The following HFM1 variants were observed in gnomAD, a reference collection of about 807,000 sequenced individuals.
The protein encoded by HFM1 is helicase for meiosis 1.
HFM1 carries 169 observed loss-of-function variants against 192.1 expected under a neutral mutation model. The observed-to-expected ratio is 0.88, with a 90% CI of 0.78 to 1.00. The LOEUF is 1.00. HFM1 is among the 50% of genes least tolerant of loss of function. The pLI, the probability that HFM1 is intolerant of heterozygous loss-of-function variation, is 0.00. For synonymous variants in HFM1, 525 were observed against 537.8 expected (o/e 0.98, Z 0.33); for missense variants, 1,661 against 1,668.0 (o/e 1.00, Z 0.07).
At chr1:91,356,441 C>T (rs12759453) in intron 13 of HFM1, among the ~76,000 whole-genome samples, 29,979 of 151,656 alleles carry the variant, frequency 0.2, 3,702 homozygotes, top group South Asian at 0.35. Context: ...CATGGTTTCC[C>T]CATGTTGGTC....
chr1:91,330,102 G>C (rs1653591484), intron 20 of HFM1, among the ~76,000 whole-genome samples: 1 of 152,188 alleles, frequency 6.6e-6, no homozygotes. Flanking sequence ...ACTCGAACTT[G>C]CTATGTAATT....
chr1:91,351,146 TTAAA>T (rs1656884639), intron 17 of HFM1, among the ~76,000 whole-genome samples: 1 of 151,946 alleles, frequency 6.6e-6, no homozygotes, highest in Admixed American at 6.6e-5. Flanking sequence ...AGAGAATACA[TTAAA>T]TACTTTACTA....
intron 22 of HFM1, 37 bp downstream of exon 22, chr1:91,323,056 C>A: frequency 7.3e-7 from 1 of 1,360,696 alleles, no homozygotes; most frequent in South Asian, 1.4e-5. Flanking sequence ...TAAATAAAAC[C>A]TCTTAAAATT....
At chr1:91,367,172 C>T (rs956644595) in intron 13 of HFM1, among the ~76,000 whole-genome samples, 2 of 152,198 alleles carry the variant, frequency 1.3e-5, no homozygotes, top group Admixed American at 6.5e-5. Flanking sequence ...GTAGACTCCA[C>T]CTCTGGGGGC....
intron 34 of HFM1, among the ~76,000 whole-genome samples, chr1:91,268,253 T>G (rs1557751707): frequency 6.6e-6 from 1 of 152,024 alleles, no homozygotes; most frequent in Admixed American, 6.6e-5. Context: ...ACTCCAAGAT[T>G]GGATTATAAT....
chr1:91,366,087 T>C (rs1659272448), intron 13 of HFM1, among the ~76,000 whole-genome samples: 1 of 149,568 alleles, frequency 6.7e-6, no homozygotes, highest in Admixed American at 6.7e-5. Context: ...TAGGTAAGAG[T>C]GGGAAATGAG....
At chr1:91,359,059 A>C (rs1658121230) in intron 13 of HFM1, among the ~76,000 whole-genome samples, 1 of 152,246 alleles carries the variant, frequency 6.6e-6, no homozygotes, top group Admixed American at 6.5e-5. Flanking sequence ...CAAACAGAAA[A>C]CACCACCACC....
Position 91,319,112 on chromosome 1 carries a change from G to A in HFM1, c.2778C>T (p.Asn926=), listed in dbSNP as rs1449344528. ...CCAGTTGTTTGGATACATGCAGAGA[G>A]TTTTCCCAAAGTTTACACCTAAAAC... ...AKCFRCKLWE[N]SLHVSKQLEK... is the part of the protein sequence containing the mutation. Residue 926 remains asparagine (N), a synonymous_variant, in exon 25 of 39, where the codon AAC becomes AAT. Transcript: ENST00000370425. 6.2e-7 allele frequency: 1 copy of A among 1,609,118 alleles called. No homozygotes were observed. The highest frequency in any genetic ancestry group is 1.3e-5 in the African/African-American group (1 of 74,640).
At chr1:91,366,256 C>A (rs534040098) in intron 13 of HFM1, among the ~76,000 whole-genome samples, 13 of 152,236 alleles carry the variant, frequency 8.5e-5, no homozygotes, top group African/African-American at 3.1e-4. Context: ...AAGTTCAGCT[C>A]AAAAATGTTT....
chr1:91,263,684 T>A (rs1408134497), intron 36 of HFM1, among the ~76,000 whole-genome samples: 23 of 152,172 alleles, frequency 1.5e-4, no homozygotes, highest in Admixed American at 1.5e-3. Flanking sequence ...GCCCAAGAGC[T>A]TGAGGCTGCA....
chr1:91,342,448 T>C (rs1655497831), intron 20 of HFM1, among the ~76,000 whole-genome samples: 1 of 152,196 alleles, frequency 6.6e-6, no homozygotes, highest in Non-Finnish European at 1.5e-5. Flanking sequence ...GGAGCATCTT[T>C]ATCTCCATAG....
chr1:91,393,502 C>G (rs539301776), intron 4 of HFM1, among the ~76,000 whole-genome samples: 1 of 152,252 alleles, frequency 6.6e-6, no homozygotes, highest in South Asian at 2.1e-4. Flanking sequence ...CTTCATCATT[C>G]TGGCTCAAAC....
intron 30 of HFM1, among the ~76,000 whole-genome samples, chr1:91,306,347 A>C (rs2101077358): frequency 6.6e-6 from 1 of 152,318 alleles, no homozygotes; most frequent in African/African-American, 2.4e-5. Context: ...ACAAAAACAA[A>C]ACAAAACAAA....
intron 20 of HFM1, among the ~76,000 whole-genome samples, chr1:91,337,071 G>C (rs1570999747): frequency 6.6e-6 from 1 of 152,108 alleles, no homozygotes; most frequent in African/African-American, 2.4e-5. Context: ...CACACGTTGG[G>C]GTCTGTTGGG....
At chr1:91,273,502 G>A (rs1666508450) in intron 34 of HFM1, among the ~76,000 whole-genome samples, 1 of 151,990 alleles carries the variant, frequency 6.6e-6, no homozygotes, top group Non-Finnish European at 1.5e-5. Context: ...GTAGGAAAGA[G>A]ATTTTTTTTT....
At chr1:91,300,350 G>A (rs1570861060) in intron 30 of HFM1, among the ~76,000 whole-genome samples, 2 of 152,208 alleles carry the variant, frequency 1.3e-5, no homozygotes, top group African/African-American at 4.8e-5. Flanking sequence ...AATTCTAGCA[G>A]AGGTACAAGG....
intron 20 of HFM1, among the ~76,000 whole-genome samples, chr1:91,339,703 G>C (rs915626944): frequency 6.6e-6 from 1 of 152,012 alleles, no homozygotes; most frequent in Non-Finnish European, 1.5e-5. Flanking sequence ...GAGAGAGAGA[G>C]AGAGCAAGAA....
Position 91,322,971 on chromosome 1 carries a change from GT to G in HFM1, c.2560del (p.Thr854GlnfsTer4). 1.5e-6 allele frequency: 2 copies of G among 1,373,560 alleles called. No homozygotes were observed. The highest frequency in any genetic ancestry group is 2.0e-6 in the Non-Finnish European group (2 of 1,023,620). 85.1% of individuals were successfully genotyped at this position (1,373,560 alleles called of 1,614,324 possible). ...IRFPMEGRIK[T>X]REMKVNCLIQ... ...TTACCAATTTACTTTCATTTCTCTT[GT>G]TTTAATTCTTCCTTCCATTGGAAAT... On this transcript the variant is annotated frameshift_variant, in exon 23 of 39. Transcript: ENST00000370425. LOFTEE classifies it high-confidence loss of function.
chr1:91,262,690 T>A, intron 36 of HFM1, 98 bp from the exon 37 acceptor site: 2 of 687,620 alleles, frequency 2.9e-6, no homozygotes, highest in Non-Finnish European at 4.9e-6. Context: ...TCAAAGTTTA[T>A]CACATTTATC....
Sources: allele counts gnomAD v4.1 joint callset (sites outside exome capture counted in the v4.1 genomes callset), GRCh38; gene constraint gnomAD v4.1.1; transcripts MANE v1.5; gene names NCBI Gene and HGNC (gene_info 2026-07-23, HGNC 2026-07-21).